Variants in CCNF observed in about 807,000 individuals in gnomAD.
CCNF encodes the protein cyclin-F.
In CCNF, 30 loss-of-function variants were observed where a neutral mutation model predicts 85.4. That is an observed-to-expected ratio of 0.35 (90% confidence interval 0.26 to 0.48). The LOEUF is 0.48. CCNF is among the 20% of genes least tolerant of loss of function. The probability of loss-of-function intolerance (pLI) is 0.99; values close to 1 mark genes in which losing one functional copy is unlikely to be tolerated. For missense variants in CCNF, 919 were observed against 1,010.4 expected, an observed-to-expected ratio of 0.91 and a Z score of 1.23; for synonymous variants, 439 against 425.1, an observed-to-expected ratio of 1.03 and a Z score of -0.40.
chr16:2,441,981 A>ATATATGTTTT (rs1322601122), intron 8 of CCNF, among the ~76,000 whole-genome samples: 3 of 98,778 alleles, frequency 3.0e-5, no homozygotes, highest in Non-Finnish European at 4.1e-5. Context: ...ATATATATAT[A>ATATATGTTTT]TGTTTTTGTT....
intron 6 of CCNF, 131 bp downstream of exon 6, chr16:2,438,254 T>TGGCTTCTCC: frequency 1.3e-6 from 1 of 765,136 alleles, no homozygotes; most frequent in Non-Finnish European, 2.3e-6. Context: ...CAGAAAGGCC[T>TGGCTTCTCC]AGCTGGAGAA....
At position 2,455,415 on chromosome 16, in the gene CCNF, A is replaced by G. The variant is rs996015464; in HGVS notation, c.1736A>G (p.Gln579Arg). ...RTKRKRENSL[Q>R]EDRGSFVTTP... ...TGCAGGAAGCGGGAGAACAGCCTCC[A>G]GGAAGACAGAGGCAGCTTCGTTACC... The change falls in exon 16 of 17, where the codon CAG becomes CGG. Residue 579 changes from glutamine (Q) to arginine (R), a missense_variant. By Grantham distance (43) the Gln-to-Arg change is conservative. Around this residue, in one of 3 missense-constraint regions of CCNF, gnomAD observed 505 missense variants for 514.8 expected, o/e 0.98. Coordinates refer to ENST00000397066, the MANE Select transcript of CCNF (RefSeq NM_001761.3). The G allele has an allele frequency of 3.2e-6, 5 of 1,587,288 alleles. No homozygotes were observed. In the African/African-American group the frequency reaches 4.0e-5, roughly 13 times the overall value.
chr16:2,456,722 G>T lies in CCNF; in HGVS notation c.2063G>T (p.Arg688Leu). ...PATPGPKPLV[R>L]TSREPGKDVT... ...ACCCCTGGACCCAAACCCCTGGTCC[G>T]CACCAGCCGGGAGCCAGGGAAGGAC... The change falls in exon 17 of 17, where the codon CGC (arginine) becomes CTC (leucine). Residue 688 changes from arginine to leucine, a missense_variant. By Grantham distance (102) the Arg-to-Leu change is moderately radical (BLOSUM62 -2). Coordinates refer to ENST00000397066, the MANE Select transcript of CCNF (RefSeq NM_001761.3). This position sits in a 1 kb window ranked among gnomAD's most constrained non-coding sequence, Gnocchi z 4.5. 6.2e-7 allele frequency: 1 copy of T among 1,612,362 alleles called. No individual in the cohort carries two copies. Among genetic ancestry groups the T allele is most frequent in the Non-Finnish European group, 8.5e-7 (1 of 1,179,158 alleles).
chr16:2,445,386 T>G, intron 9 of CCNF, 72 bp from the exon 10 acceptor site: 1 of 1,536,904 alleles, frequency 6.5e-7, no homozygotes, highest in Non-Finnish European at 8.9e-7. Context: ...GCCCAACAGG[T>G]GGGGTTGAAA....
In CCNF at chr16:2,457,128, G is replaced by A; in HGVS notation, c.*108G>A. On this transcript the variant is annotated 3_prime_UTR_variant, in exon 17 of 17. Transcript: ENST00000397066. Reference sequence around the variant, plus strand: ...TAGACCATGGAGGCCTTTGCGCAGAGAGCAGAGAGGATGACTTGCGGCCAC... The same window carrying A: ...TAGACCATGGAGGCCTTTGCGCAGAAAGCAGAGAGGATGACTTGCGGCCAC... The A allele has an allele frequency of 1.3e-6, 1 of 794,118 alleles. No individual in the cohort carries two copies. The highest frequency in any genetic ancestry group is 2.8e-5 in the East Asian group (1 of 35,868). The allele number at this position is 794,118 out of a possible 1,614,324, so 49.2% of individuals were successfully genotyped here.
chr16:2,441,074 A>T (rs749504073), intron 8 of CCNF, among the ~76,000 whole-genome samples: 1 of 151,818 alleles, frequency 6.6e-6, no homozygotes, highest in Non-Finnish European at 1.5e-5. Context: ...TTTACTAAAA[A>T]TACAAAAAAA....
chr16:2,434,074 G>A (rs1042644860), intron 3 of CCNF, among the ~76,000 whole-genome samples: 24 of 152,334 alleles, frequency 1.6e-4, no homozygotes, highest in African/African-American at 5.3e-4. Context: ...GGGAGGCCAA[G>A]GCGGGTGGAT....
intron 8 of CCNF, among the ~76,000 whole-genome samples, chr16:2,442,356 ATTATT>A (rs1382152020): frequency 8.1e-6 from 1 of 123,046 alleles, no homozygotes; most frequent in Non-Finnish European, 1.6e-5. Context: ...TATAATATCT[ATTATT>A]ATATTATAAC....
Position 2,452,803 on chromosome 16 carries a change from CT to C in CCNF, c.1488-405del, listed in dbSNP as rs747387799. On this transcript the variant is annotated intron_variant, in intron 13 of 16. Transcript: ENST00000397066. The surrounding 1 kb of genome is among the most constrained non-coding windows in gnomAD (Gnocchi z 4.1). Reference sequence around the variant, plus strand: ...TAAATGGCGTCATCGGACAAGTGGCCTTCTGTGTCTAGGTGATTTCCCTCGC... The same window carrying C: ...TAAATGGCGTCATCGGACAAGTGGCCTCTGTGTCTAGGTGATTTCCCTCGC... The C allele has an allele frequency of 9.0e-6, 2 of 222,018 alleles. No individual in the cohort carries two copies. Among genetic ancestry groups the C allele is most frequent in the Non-Finnish European group, 1.8e-5 (2 of 109,924 alleles). 13.8% of individuals were successfully genotyped at this position (222,018 alleles called of 1,614,324 possible). A position where few individuals can be genotyped will look rare whatever the true frequency, so the allele number is the denominator to read the frequency against.
Position 2,448,974 on chromosome 16 carries a change from T to G in CCNF, c.1214T>G (p.Ile405Ser). 1 of 1,614,026 alleles carries G rather than the reference T, an allele frequency of 6.2e-7. No homozygotes were observed. Among genetic ancestry groups the G allele is most frequent in the Non-Finnish European group, 8.5e-7 (1 of 1,179,972 alleles). Residue 405 changes from isoleucine to serine, a missense_variant, in exon 11 of 17, where the codon ATT (isoleucine) becomes AGT (serine). Coordinates refer to ENST00000397066, the MANE Select transcript of CCNF (RefSeq NM_001761.3). ...GEIVSALEGKIRVPTVVDYKE... is the reference protein window; with the variant it reads ...GEIVSALEGKSRVPTVVDYKE... ...ATCGTCTCCGCCTTGGAAGGGAAGATTCGAGTAAGCAGCGGTTCCATTTTC... is the reference window on the plus strand; with the variant it reads ...ATCGTCTCCGCCTTGGAAGGGAAGAGTCGAGTAAGCAGCGGTTCCATTTTC...
intron 2 of CCNF, 50 bp from the exon 3 acceptor site, chr16:2,432,911 C>T: frequency 8.5e-7 from 1 of 1,174,370 alleles, no homozygotes; most frequent in Non-Finnish European, 1.3e-6. Flanking sequence ...AGGTGTGGGG[C>T]TTTTGGGTGG....
rs1866153122 is a variant in CCNF, at chr16:2,456,310, C to G, written c.1886-235C>G. 1 of 468,118 alleles carries G rather than the reference C, an allele frequency of 2.1e-6. No individual in the cohort carries two copies. The highest frequency in any genetic ancestry group is 3.8e-6 in the Non-Finnish European group (1 of 265,756). The allele number at this position is 468,118 out of a possible 1,614,324, so 29.0% of individuals were successfully genotyped here. On this transcript the variant is annotated intron_variant, in intron 16 of 16. Transcript: ENST00000397066. This position sits in a 1 kb window ranked among gnomAD's most constrained non-coding sequence, Gnocchi z 4.5. ...TCCCGGTTGCTTGCTTCTGCGTCCA[C>G]TTGGCTTGAGCTAGATGGCCAACTT...
intron 16 of CCNF, 122 bp downstream of exon 16, chr16:2,455,686 G>T (rs1372280921): frequency 2.9e-6 from 4 of 1,401,244 alleles, no homozygotes; most frequent in African/African-American, 2.9e-5. Flanking sequence ...AGAGTGCGGG[G>T]TGGGGCCAGC....
At chr16:2,434,248 G>A (rs185243642) in intron 3 of CCNF, among the ~76,000 whole-genome samples, 1 of 152,338 alleles carries the variant, frequency 6.6e-6, no homozygotes, top group African/African-American at 2.4e-5. Flanking sequence ...GGAGGTTGCA[G>A]TGAGCCAAGA....
In CCNF at chr16:2,435,596, GAT is replaced by G. The variant is rs57972250; in HGVS notation, c.279-195_279-194del. On this transcript the variant is annotated intron_variant, in intron 3 of 16. Transcript: ENST00000397066. Reference sequence around the variant, plus strand: ...CAAGACCCTGTCTCAGAGAGAGAGAGATATATATATATATATGCACACACACA... The same window carrying G: ...CAAGACCCTGTCTCAGAGAGAGAGAGATATATATATATATGCACACACACA... Among the ~76,000 whole-genome samples, 111,441 of 147,334 alleles carry G rather than the reference GAT, an allele frequency of 0.76. 42,872 individuals are homozygous for G. The highest frequency in any genetic ancestry group is 0.91 in the African/African-American group (36,596 of 40,222).
At position 2,456,507 on chromosome 16, in the gene CCNF, G is replaced by C; in HGVS notation, c.1886-38G>C. On this transcript the variant is annotated intron_variant, in intron 16 of 16. Transcript: ENST00000397066. This position sits in a 1 kb window ranked among gnomAD's most constrained non-coding sequence, Gnocchi z 4.5. Reference sequence around the variant, plus strand: ...GCAGGGGGTCTCCCCTGATGCTTGGGTGTGACATGACTTCCCTCCCCACCA... The same window carrying C: ...GCAGGGGGTCTCCCCTGATGCTTGGCTGTGACATGACTTCCCTCCCCACCA... 1 of 1,428,738 alleles carries C rather than the reference G, an allele frequency of 7.0e-7. No individual in the cohort carries two copies. The highest frequency in any genetic ancestry group is 9.4e-7 in the Non-Finnish European group (1 of 1,065,138). The allele number at this position is 1,428,738 out of a possible 1,614,324, so 88.5% of individuals were successfully genotyped here.
In CCNF at chr16:2,456,828, A is replaced by G. The variant is rs1431378190; in HGVS notation, c.2169A>G (p.Gln723=). 3.7e-6 allele frequency: 6 copies of G among 1,613,750 alleles called. No individual in the cohort carries two copies. In the African/African-American group the frequency reaches 5.3e-5, roughly 14 times the overall value. ...SVDGGLGALP[Q]PTSVLSLDSD... The stretch of plus-strand genomic sequence containing the variant: ...ACGGTGGCTTGGGGGCCCTGCCCCA[A>G]CCTACCTCAGTGCTGTCCCTGGACA... The change falls in exon 17 of 17, where the codon CAA becomes CAG. Residue 723 remains glutamine, a synonymous_variant. Transcript: ENST00000397066. This position sits in a 1 kb window ranked among gnomAD's most constrained non-coding sequence, Gnocchi z 4.5.
chr16:2,433,577 T>C, intron 3 of CCNF, among the ~76,000 whole-genome samples: 1 of 152,098 alleles, frequency 6.6e-6, no homozygotes, highest in East Asian at 1.9e-4. Flanking sequence ...TTGTTTTTTG[T>C]TTTTTGTTTT....
rs1296013831 is a variant in CCNF, at chr16:2,438,047, ACTT to A, written c.541-19_541-17del. 4 of 1,583,736 alleles carry A rather than the reference ACTT, an allele frequency of 2.5e-6. No individual in the cohort carries two copies. Among genetic ancestry groups the A allele is most frequent in the Admixed American group, 3.3e-5 (2 of 59,932 alleles). Reference sequence around the variant, plus strand: ...GGCAGTTCTCTGTGCTGGAAATCACACTTCTTTCTCCTTTTTTTAAAGACTCAC... The same window carrying A: ...GGCAGTTCTCTGTGCTGGAAATCACACTTTCTCCTTTTTTTAAAGACTCAC... On this transcript the variant is annotated intron_variant, in intron 5 of 16. Coordinates refer to ENST00000397066, the MANE Select transcript of CCNF (RefSeq NM_001761.3).
Sources: gnomAD v4.1 joint callset for allele counts (sites outside exome capture counted in the v4.1 genomes callset) on GRCh38, gnomAD v4.1.1 for gene constraint, gnomAD v4.1.1 regional missense constraint, Gnocchi (gnomAD v3.1) non-coding constraint, MANE v1.5 for transcripts, NCBI Gene and HGNC (gene_info 2026-07-23, HGNC 2026-07-21) for gene names.